Variants in ADGRV1 observed in about 807,000 individuals in gnomAD.
The protein encoded by ADGRV1 is adhesion G protein-coupled receptor V1, also known as G-protein coupled receptor 98.
Under a neutral mutation model 596.2 loss-of-function variants are expected in ADGRV1, and 359 were observed. The observed-to-expected ratio is 0.60, with a 90% CI of 0.55 to 0.66. The LOEUF (loss-of-function observed/expected upper bound fraction) is 0.66. ADGRV1 is among the 30% of genes least tolerant of loss of function. The probability of loss-of-function intolerance (pLI) is 0.00; values close to 1 mark genes in which losing one functional copy is unlikely to be tolerated. For synonymous variants in ADGRV1, 2,681 were observed against 2,679.2 expected (o/e 1.00, Z -0.02); for missense variants, 7,274 against 7,575.6 (o/e 0.96, Z 1.48).
chr5:90,792,988 T>C (rs1760248183), intron 70 of ADGRV1: 1 of 152,214 alleles, frequency 6.6e-6, no homozygotes, highest in African/African-American at 2.4e-5. Flanking sequence ...CATGCAGATA[T>C]GGGGAGAATG....
chr5:90,759,626 C>G (rs750711793), intron 58 of ADGRV1, 38 bp downstream of exon 58: 1 of 1,565,004 alleles, frequency 6.4e-7, no homozygotes, highest in Non-Finnish European at 8.8e-7. Flanking sequence ...TTGTTTCAGG[C>G]TAGCGTTTCA....
chr5:90,972,468 C>A (rs1453673314), intron 84 of ADGRV1, among the ~76,000 whole-genome samples: 1 of 152,136 alleles, frequency 6.6e-6, no homozygotes, highest in East Asian at 1.9e-4. Flanking sequence ...CACTCCTCAG[C>A]AAATGTAAAA....
intron 83 of ADGRV1, among the ~76,000 whole-genome samples, chr5:90,880,462 C>T (rs756994899): frequency 4.6e-5 from 7 of 152,176 alleles, no homozygotes; most frequent in African/African-American, 7.2e-5. Context: ...ATCAGTGACA[C>T]ACATTGGGTT....
intron 70 of ADGRV1, among the ~76,000 whole-genome samples, chr5:90,796,010 AAG>A (rs1331370814): frequency 3.9e-5 from 6 of 152,196 alleles, no homozygotes; most frequent in Non-Finnish European, 4.4e-5. Flanking sequence ...TAAATCCACA[AAG>A]AGGGGGAGAA....
intron 20 of ADGRV1, chr5:90,655,308 A>G (rs1769244271): frequency 1.3e-5 from 2 of 152,156 alleles, no homozygotes; most frequent in South Asian, 4.1e-4. Flanking sequence ...TGTACACTTG[A>G]GTGTCCAGCT....
In ADGRV1 at chr5:90,840,606, G is replaced by A. The variant is rs200907244; in HGVS notation, c.16640G>A (p.Arg5547His). 6.5e-5 allele frequency: 104 copies of A among 1,610,544 alleles called. 1 individual carries two copies. The highest frequency in any genetic ancestry group is 3.6e-4 in the African/African-American group (27 of 74,916). Residue 5547 changes from arginine to histidine, a missense_variant, in exon 78 of 90, where the codon CGT becomes CAT. Physicochemically the swap from Arg to His is conservative, Grantham distance 29. Around this residue, in one of 5 missense-constraint regions of ADGRV1, gnomAD observed 1,874 missense variants for 1,970.2 expected, o/e 0.95. Transcript: ENST00000405460. The stretch of plus-strand genomic sequence containing the variant: ...TTGAGGAGTGCTGAAACAATTGGTC[G>A]TACCATCATATCTCCAGCTATTTCT... ...QELRSAETIG[R>H]TIISPAISGK... is the part of the protein sequence containing the mutation.
intron 81 of ADGRV1, 148 bp downstream of exon 81, chr5:90,854,349 A>G (rs555423940): frequency 1.7e-6 from 1 of 584,854 alleles, no homozygotes; most frequent in East Asian, 2.8e-5. Context: ...AGGAAGCAGC[A>G]TAGGAAATGG....
In ADGRV1 at chr5:90,772,323, C is replaced by T. The variant is rs1383928498; in HGVS notation, c.12286-1863C>T. ...CATTTCCAGCCGAGGTTGAAGAAGC[C>T]AACACCTTGACTTTGTTTCAGCTCT... On this transcript the variant is annotated intron_variant, in intron 59 of 89. Coordinates refer to ENST00000405460, the MANE Select transcript of ADGRV1 (RefSeq NM_032119.4). Among the ~76,000 whole-genome samples the T allele has an allele frequency of 7.2e-5, 11 of 152,250 alleles. 1 individual carries two copies. Among genetic ancestry groups the T allele is most frequent in the Admixed American group, 3.9e-4 (6 of 15,302 alleles).
At chr5:91,102,946 C>A (rs1562222939) in intron 87 of ADGRV1, among the ~76,000 whole-genome samples, 1 of 152,164 alleles carries the variant, frequency 6.6e-6, no homozygotes, top group Non-Finnish European at 1.5e-5. Context: ...CTGATATTAA[C>A]AAATGGAACA....
intron 86 of ADGRV1, among the ~76,000 whole-genome samples, chr5:91,087,215 A>G (rs1789952688): frequency 6.6e-6 from 1 of 152,182 alleles, no homozygotes; most frequent in African/African-American, 2.4e-5. Context: ...CTCTCTTATA[A>G]TACTTATCTC....
chr5:90,944,272 G>A (rs751847111), intron 83 of ADGRV1, among the ~76,000 whole-genome samples: 2 of 152,160 alleles, frequency 1.3e-5, no homozygotes, highest in Non-Finnish European at 2.9e-5. Flanking sequence ...CCAGTAGTAT[G>A]TGACTCTGTT....
intron 87 of ADGRV1, among the ~76,000 whole-genome samples, chr5:91,141,668 T>C (rs1206244881): frequency 6.6e-6 from 1 of 152,154 alleles, no homozygotes; most frequent in Non-Finnish European, 1.5e-5. Flanking sequence ...GCAGAAATAC[T>C]GTATATATTT....
In ADGRV1 at chr5:90,811,006, G is replaced by A. The variant is rs2150230043; in HGVS notation, c.15746G>A (p.Gly5249Asp). ...GCAGAAGTTCTTATCCGAAGAACTG[G>A]TGGGTTTACTGGCAATGTCAGCATA... Reference protein sequence around the residue: ...NTAEVLIRRTGGFTGNVSITV... With the variant: ...NTAEVLIRRTDGFTGNVSITV... Residue 5249 changes from glycine (G) to aspartate (D), a missense_variant, in exon 74 of 90, where the codon GGT (glycine) becomes GAT (aspartate). Physicochemically the swap from Gly to Asp is moderately conservative, Grantham distance 94. Transcript: ENST00000405460. 1.2e-6 allele frequency: 2 copies of A among 1,614,020 alleles called. No homozygotes were observed. The highest frequency in any genetic ancestry group is 1.3e-5 in the African/African-American group (1 of 75,054).
chr5:90,569,479 A>G (rs2151952747), intron 1 of ADGRV1, among the ~76,000 whole-genome samples: 1 of 138,782 alleles, frequency 7.2e-6, no homozygotes, highest in East Asian at 2.2e-4. Context: ...TAAAGAGCAT[A>G]TAGTTAGGTC....
chr5:91,072,582 C>G lies in ADGRV1; in HGVS notation c.18288C>G (p.Phe6096Leu). 3.1e-6 allele frequency: 5 copies of G among 1,613,710 alleles called. No homozygotes were observed. Among genetic ancestry groups the G allele is most frequent in the Non-Finnish European group, 4.2e-6 (5 of 1,179,720 alleles). The change falls in exon 86 of 90, where the codon TTC becomes TTG. Residue 6096 changes from phenylalanine (F) to leucine (L), a missense_variant. Phe to Leu is a conservative substitution (Grantham distance 22, BLOSUM62 0). This residue lies in a region of ADGRV1 where 1,874 missense variants were observed against 1,970.2 expected (regional missense o/e 0.95). Transcript: ENST00000405460. ...KPQWKAYDDVFRGRTNAAEIP... is the reference protein window; with the variant it reads ...KPQWKAYDDVLRGRTNAAEIP... ...AGTGGAAAGCATATGATGATGTCTT[C>G]AGAGGAAGGACAAATGCTGCAGGTT...
At position 90,791,142 on chromosome 5, in the gene ADGRV1, G is replaced by A; in HGVS notation, c.14313G>A (p.Gln4771=). ...HGVFALYSDR[Q]SILIGQNLIR... ...TATTTGCCCTGTATTCGGATCGCCA[G>A]TCAATACTTATTGGGCAGAACCTTA... Residue 4771 remains glutamine (Q), a synonymous_variant, in exon 70 of 90, where the codon CAG becomes CAA. Coordinates refer to ENST00000405460, the MANE Select transcript of ADGRV1 (RefSeq NM_032119.4). 6.2e-7 allele frequency: 1 copy of A among 1,613,970 alleles called. No homozygotes were observed. The highest frequency in any genetic ancestry group is 8.5e-7 in the Non-Finnish European group (1 of 1,179,892).
chr5:90,932,962 C>A (rs575978258), intron 83 of ADGRV1, among the ~76,000 whole-genome samples: 22 of 152,266 alleles, frequency 1.4e-4, no homozygotes, highest in African/African-American at 5.1e-4. Context: ...GCAGGCCCCA[C>A]GTATATAATT....
intron 83 of ADGRV1, among the ~76,000 whole-genome samples, chr5:90,963,229 T>A (rs1778177427): frequency 6.6e-6 from 1 of 152,164 alleles, no homozygotes; most frequent in Admixed American, 6.5e-5. Flanking sequence ...AAATGATTGC[T>A]TTTTTATCCT....
chr5:91,029,821 A>G (rs965634177), intron 85 of ADGRV1, among the ~76,000 whole-genome samples: 3 of 152,106 alleles, frequency 2.0e-5, no homozygotes, highest in African/African-American at 7.2e-5. Flanking sequence ...AGTTTGATAC[A>G]GTCATATTAA....
Sources: allele counts gnomAD v4.1 joint callset (sites outside exome capture counted in the v4.1 genomes callset), GRCh38; gene constraint gnomAD v4.1.1; regional missense constraint gnomAD v4.1.1; transcripts MANE v1.5; gene names NCBI Gene and HGNC (gene_info 2026-07-23, HGNC 2026-07-21).